The following PRKAG2 variants were observed in gnomAD, a reference collection of about 807,000 sequenced individuals.
The protein encoded by PRKAG2 is protein kinase AMP-activated non-catalytic subunit gamma 2.
A neutral mutation model predicts 69.6 loss-of-function variants in PRKAG2; 26 were observed. That is an observed-to-expected ratio of 0.37 (90% CI 0.27 to 0.52). PRKAG2 has a LOEUF of 0.52. Ranked by LOEUF, PRKAG2 falls within the 20% of genes least tolerant of loss-of-function variation. PRKAG2 has a pLI of 0.90. For missense variants in PRKAG2, 557 were observed against 740.0 expected, an observed-to-expected ratio of 0.75 and a Z score of 2.87; for synonymous variants, 293 against 285.0, an observed-to-expected ratio of 1.03 and a Z score of -0.28.
intron 1 of PRKAG2, among the ~76,000 whole-genome samples, chr7:151,812,953 C>T (rs1165786902): frequency 2.0e-5 from 3 of 150,842 alleles, no homozygotes; most frequent in African/African-American, 7.3e-5. Flanking sequence ...AAAAACCACA[C>T]ACACACACCT....
At chr7:151,794,842 C>T (rs2077421193) in intron 1 of PRKAG2, among the ~76,000 whole-genome samples, 2 of 152,230 alleles carry the variant, frequency 1.3e-5, no homozygotes, top group Admixed American at 6.5e-5. Flanking sequence ...AAAGGGCAGC[C>T]GAGCCTTTCC....
At chr7:151,635,477 C>A (rs954951254) in intron 4 of PRKAG2, among the ~76,000 whole-genome samples, 4 of 152,082 alleles carry the variant, frequency 2.6e-5, no homozygotes, top group African/African-American at 9.7e-5. Flanking sequence ...TGTGGTAGGT[C>A]CATCTATACC....
intron 3 of PRKAG2, among the ~76,000 whole-genome samples, chr7:151,729,404 G>C (rs1309202223): frequency 6.7e-6 from 1 of 150,062 alleles, no homozygotes; most frequent in African/African-American, 2.4e-5. Flanking sequence ...CTGGCAAAAG[G>C]AGAGGTGGGT....
chr7:151,818,060 G>A (rs768369241), intron 1 of PRKAG2, among the ~76,000 whole-genome samples: 8 of 152,152 alleles, frequency 5.3e-5, no homozygotes, highest in South Asian at 2.1e-4. Context: ...GCAGCAATAC[G>A]GAAAGGATCA....
intron 1 of PRKAG2, among the ~76,000 whole-genome samples, chr7:151,803,088 G>A (rs1238969180): frequency 6.6e-6 from 1 of 151,908 alleles, no homozygotes. Flanking sequence ...CTCCAGAGTA[G>A]CTGGGATTAC....
intron 1 of PRKAG2, among the ~76,000 whole-genome samples, chr7:151,813,789 C>T (rs533352275): frequency 2.0e-5 from 3 of 152,278 alleles, no homozygotes; most frequent in Non-Finnish European, 4.4e-5. Context: ...TTTGGATTCC[C>T]CACAACTTCA....
chr7:151,592,516 T>C (rs1052848033), intron 6 of PRKAG2, among the ~76,000 whole-genome samples: 1 of 151,798 alleles, frequency 6.6e-6, no homozygotes, highest in African/African-American at 2.4e-5. Context: ...CGCATTCTGC[T>C]CTCCTCTCAT....
intron 6 of PRKAG2, among the ~76,000 whole-genome samples, chr7:151,585,850 G>A (rs1811527218): frequency 6.6e-6 from 1 of 152,220 alleles, no homozygotes; most frequent in African/African-American, 2.4e-5. Flanking sequence ...CCAGGGAGCA[G>A]AAGTACAGGA....
At chr7:151,680,330 A>G (rs933080988) in intron 3 of PRKAG2, among the ~76,000 whole-genome samples, 2 of 152,188 alleles carry the variant, frequency 1.3e-5, no homozygotes, top group African/African-American at 4.8e-5. Flanking sequence ...AGGTTAGATA[A>G]ATCATGGCCC....
chr7:151,618,049 C>T (rs767875974), intron 5 of PRKAG2, among the ~76,000 whole-genome samples: 6 of 152,032 alleles, frequency 3.9e-5, no homozygotes, highest in Non-Finnish European at 5.9e-5. Context: ...TGGCTGGGTG[C>T]GGTGGCTCAT....
At chr7:151,795,866 T>C (rs982518267) in intron 1 of PRKAG2, among the ~76,000 whole-genome samples, 3,530 of 106,590 alleles carry the variant, frequency 0.033, 224 homozygotes, top group African/African-American at 0.14. Flanking sequence ...TATATATATA[T>C]ATATATATAT....
chr7:151,573,986 C>T (rs1808309853), intron 8 of PRKAG2, among the ~76,000 whole-genome samples: 1 of 152,124 alleles, frequency 6.6e-6, no homozygotes, highest in Non-Finnish European at 1.5e-5. Context: ...ACTATGTTGG[C>T]CAGGCTGGTC....
intron 1 of PRKAG2, among the ~76,000 whole-genome samples, chr7:151,874,050 ATG>A (rs1424140884): frequency 2.3e-5 from 3 of 131,886 alleles, no homozygotes; most frequent in Non-Finnish European, 5.0e-5. Context: ...ATGTATATGT[ATG>A]TATATGTATA....
At chr7:151,834,283 AG>A (rs1219789509) in intron 1 of PRKAG2, among the ~76,000 whole-genome samples, 1 of 152,212 alleles carries the variant, frequency 6.6e-6, no homozygotes, top group Non-Finnish European at 1.5e-5. Flanking sequence ...AGTACACCCA[AG>A]ATGACCTGAG....
At chr7:151,589,204 G>A (rs1317707214) in intron 6 of PRKAG2, among the ~76,000 whole-genome samples, 1 of 152,204 alleles carries the variant, frequency 6.6e-6, no homozygotes, top group Non-Finnish European at 1.5e-5. Context: ...GGGCACCGAG[G>A]CACCTCCTGT....
At chr7:151,806,717 G>A (rs2078119730) in intron 1 of PRKAG2, 23 of 306,444 alleles carry the variant, frequency 7.5e-5, no homozygotes, top group South Asian at 6.3e-4. Context: ...CCTGTAACCT[G>A]AGGACTTTGA....
chr7:151,630,781 C>T (rs1282149608), intron 5 of PRKAG2, among the ~76,000 whole-genome samples: 2 of 152,188 alleles, frequency 1.3e-5, no homozygotes, highest in African/African-American at 4.8e-5. Context: ...AAGATTTGGC[C>T]TGCAATATAA....
chr7:151,563,023 A>G lies in PRKAG2; in HGVS notation c.1584+1055T>C, dbSNP rs563737969. ...TGAACTCTGAAGGCTAAGGGAAACCATCTCATCCAGAGAATTAAGCAGTTC... is the reference window on the plus strand; with the variant it reads ...TGAACTCTGAAGGCTAAGGGAAACCGTCTCATCCAGAGAATTAAGCAGTTC... On this transcript the variant is annotated intron_variant, in intron 14 of 15. Coordinates refer to ENST00000287878, the MANE Select transcript of PRKAG2 (RefSeq NM_016203.4). Among the ~76,000 whole-genome samples, 359 of 152,156 alleles carry G rather than the reference A, an allele frequency of 2.4e-3. 4 individuals are homozygous for G. Among genetic ancestry groups the G allele is most frequent in the African/African-American group, 8.5e-3 (351 of 41,510 alleles).
In PRKAG2 at chr7:151,836,949, G is replaced by A. The variant is rs2079161341; in HGVS notation, c.114+39558C>T. On this transcript the variant is annotated intron_variant, in intron 1 of 15. Coordinates refer to ENST00000287878, the MANE Select transcript of PRKAG2 (RefSeq NM_016203.4). This position sits in a 1 kb window ranked among gnomAD's most constrained non-coding sequence, Gnocchi z 4.1. ...CAGCTTGCGGGGACCCCCGAGACGA[G>A]GTCCCTGCCAGACTGCCAATGTTTA... 6.6e-6 allele frequency among the ~76,000 whole-genome samples: 1 copy of A among 152,096 alleles called. No homozygotes were observed. The highest frequency in any genetic ancestry group is 1.5e-5 in the Non-Finnish European group (1 of 68,038).
Sources: gnomAD v4.1 joint callset for allele counts (sites outside exome capture counted in the v4.1 genomes callset) on GRCh38, gnomAD v4.1.1 for gene constraint, Gnocchi (gnomAD v3.1) non-coding constraint, MANE v1.5 for transcripts, NCBI Gene and HGNC (gene_info 2026-07-23, HGNC 2026-07-21) for gene names.